SYN2: variants seen among roughly 807,000 people sequenced by gnomAD.
The protein encoded by SYN2 is synapsin-2.
SYN2 carries 19 observed loss-of-function variants against 50.9 expected under a neutral mutation model. The observed-to-expected ratio is 0.37, with a 90% CI of 0.26 to 0.55. The LOEUF (loss-of-function observed/expected upper bound fraction) is 0.55. SYN2 is among the 20% of genes least tolerant of loss of function. SYN2 has a pLI of 0.81. For missense variants in SYN2, 587 were observed against 576.4 expected (o/e 1.02, Z -0.19); for synonymous variants, 255 against 224.9 (o/e 1.13, Z -1.20).
At chr3:12,164,055 A>G (rs1406951408) in intron 7 of SYN2, among the ~76,000 whole-genome samples, 1 of 152,098 alleles carries the variant, frequency 6.6e-6, no homozygotes, top group Admixed American at 6.6e-5. Context: ...GTGACATGGG[A>G]CCCTGTCTCA....
At chr3:12,083,175 C>G (rs1695616981) in intron 1 of SYN2, among the ~76,000 whole-genome samples, 1 of 152,140 alleles carries the variant, frequency 6.6e-6, no homozygotes, top group African/African-American at 2.4e-5. Context: ...CCACACCTGG[C>G]TAATTTTTGT....
chr3:12,171,377 G>C (rs75659266), intron 10 of SYN2, among the ~76,000 whole-genome samples: 11 of 152,122 alleles, frequency 7.2e-5, no homozygotes, highest in Non-Finnish European at 1.6e-4. Context: ...TAGATTATGA[G>C]AGAGAATCTG....
chr3:12,154,204 A>T, intron 5 of SYN2: 1 of 1,432,204 alleles, frequency 7.0e-7, no homozygotes, highest in Non-Finnish European at 9.5e-7. Context: ...TTGCTTTCTC[A>T]TCCCCAACTT....
intron 11 of SYN2, chr3:12,184,581 A>C (rs983040764): frequency 1.0e-6 from 1 of 985,800 alleles, no homozygotes; most frequent in Non-Finnish European, 1.2e-6. Flanking sequence ...GCTGTTTACC[A>C]CAGCCCTCCA....
At chr3:12,065,115 A>T (rs1243146117) in intron 1 of SYN2, among the ~76,000 whole-genome samples, 1 of 152,164 alleles carries the variant, frequency 6.6e-6, no homozygotes, top group Non-Finnish European at 1.5e-5. Context: ...CGCCAGTAAC[A>T]ATCATCAAAT....
intron 1 of SYN2, among the ~76,000 whole-genome samples, chr3:12,117,372 C>T (rs1367188063): frequency 1.3e-5 from 2 of 152,178 alleles, no homozygotes; most frequent in Non-Finnish European, 1.5e-5. Context: ...TTCTTAGGTA[C>T]TTGGGATTCA....
intron 1 of SYN2, among the ~76,000 whole-genome samples, chr3:12,024,349 G>A (rs1344458060): frequency 6.6e-6 from 1 of 151,658 alleles, no homozygotes; most frequent in Non-Finnish European, 1.5e-5. Context: ...TAGTGGAGAT[G>A]GGGTTTCACC....
chr3:12,182,077 G>C (rs141234576), intron 10 of SYN2, among the ~76,000 whole-genome samples: 276 of 152,332 alleles, frequency 1.8e-3, no homozygotes, highest in Non-Finnish European at 3.4e-3. Context: ...CAGTAGAACA[G>C]TTCCGAGTAA....
chr3:12,075,033 A>G (rs1417611127), intron 1 of SYN2, among the ~76,000 whole-genome samples: 1 of 152,212 alleles, frequency 6.6e-6, no homozygotes, highest in East Asian at 1.9e-4. Context: ...TAAATTAATT[A>G]TATCATTGCA....
At chr3:12,099,593 G>C (rs899906337) in intron 1 of SYN2, among the ~76,000 whole-genome samples, 1 of 151,902 alleles carries the variant, frequency 6.6e-6, no homozygotes, top group Admixed American at 6.6e-5. Flanking sequence ...TATTGAAAAA[G>C]AAGGAAGATT....
chr3:12,135,213 A>G (rs546652587), intron 1 of SYN2, among the ~76,000 whole-genome samples: 1 of 152,360 alleles, frequency 6.6e-6, no homozygotes, highest in Non-Finnish European at 1.5e-5. Context: ...TGCAGTACTC[A>G]TCTTGCCAGT....
rs1420583736 is a variant in SYN2 at position 12,004,924 on chromosome 3, G to A, written c.373G>A (p.Asp125Asn). The A allele has an allele frequency of 1.8e-6, 1 of 566,020 alleles. No homozygotes were observed. Among genetic ancestry groups the A allele is most frequent in the Non-Finnish European group, 3.1e-6 (1 of 318,192 alleles). 35.1% of individuals were successfully genotyped at this position (566,020 alleles called of 1,614,324 possible). ...GCTGGTGGTCGACGAGCCGCACGCC[G>A]ACTGGTAGGTGCCGGGCGCCGCCGC... ...VLLVVDEPHA[D>N]WAKCFRGKKV... Residue 125 changes from aspartate to asparagine, a missense_variant, in exon 1 of 13, where the codon GAC (aspartate) becomes AAC (asparagine). Physicochemically the swap from Asp to Asn is conservative, Grantham distance 23. Coordinates refer to ENST00000621198, the MANE Select transcript of SYN2 (RefSeq NM_133625.6).
chr3:12,160,769 T>G (rs895483278), intron 5 of SYN2, among the ~76,000 whole-genome samples: 3 of 152,250 alleles, frequency 2.0e-5, no homozygotes, highest in African/African-American at 7.2e-5. Context: ...CAGTGCTCCT[T>G]CCACTCCACA....
intron 5 of SYN2, chr3:12,154,276 T>C: frequency 6.2e-7 from 1 of 1,613,068 alleles, no homozygotes; most frequent in Non-Finnish European, 8.5e-7. Flanking sequence ...GAATGAAGGC[T>C]CAGAACCCTT....
intron 7 of SYN2, among the ~76,000 whole-genome samples, chr3:12,166,743 G>T (rs753433961): frequency 6.6e-6 from 1 of 152,326 alleles, no homozygotes; most frequent in South Asian, 2.1e-4. Context: ...AAAGAACCCT[G>T]CGGGAGTTTC....
chr3:12,064,923 A>G (rs1695180157), intron 1 of SYN2, among the ~76,000 whole-genome samples: 2 of 152,158 alleles, frequency 1.3e-5, no homozygotes, highest in South Asian at 2.1e-4. Flanking sequence ...TTGTACACAG[A>G]TGTTCATAGC....
intron 1 of SYN2, among the ~76,000 whole-genome samples, chr3:12,033,766 A>G (rs1694433272): frequency 6.6e-6 from 1 of 152,180 alleles, no homozygotes; most frequent in African/African-American, 2.4e-5. Flanking sequence ...ACCATACAAT[A>G]TGTGGCCTTT....
intron 1 of SYN2, among the ~76,000 whole-genome samples, chr3:12,037,701 G>A (rs1454409350): frequency 6.6e-6 from 1 of 152,196 alleles, no homozygotes; most frequent in Non-Finnish European, 1.5e-5. Flanking sequence ...ATCCATTCAT[G>A]AGGCCTCACG....
intron 1 of SYN2, among the ~76,000 whole-genome samples, chr3:12,135,302 A>C (rs1696874750): frequency 6.6e-6 from 1 of 152,242 alleles, no homozygotes; most frequent in African/African-American, 2.4e-5. Context: ...GTGGGGAAAT[A>C]GGAATCTCCT....
Sources: gnomAD v4.1 joint callset for allele counts (sites outside exome capture counted in the v4.1 genomes callset) on GRCh38, gnomAD v4.1.1 for gene constraint, MANE v1.5 for transcripts, NCBI Gene and HGNC (gene_info 2026-07-23, HGNC 2026-07-21) for gene names.